The following ZNF599 variants were observed in gnomAD, a reference collection of about 807,000 sequenced individuals.
ZNF599 encodes the protein zinc finger protein 599.
Under a neutral mutation model 11.7 loss-of-function variants are expected in ZNF599, and 10 were observed. The observed-to-expected ratio is 0.86, with a 90% CI of 0.53 to 1.45. ZNF599 has a LOEUF of 1.45. ZNF599 is among the 40% of genes most tolerant of loss of function. The probability of loss-of-function intolerance (pLI) is 0.00; values close to 1 mark genes in which losing one functional copy is unlikely to be tolerated. For missense variants in ZNF599, 688 were observed against 713.6 expected (o/e 0.96, Z 0.41); for synonymous variants, 232 against 253.2 (o/e 0.92, Z 0.79).
chr19:34,781,518 T>C, the ZNF599 span, among the ~76,000 whole-genome samples: 1 of 152,210 alleles, frequency 6.6e-6, no homozygotes, highest in Non-Finnish European at 1.5e-5. Flanking sequence ...GACCCAGGAA[T>C]GAGCCTGCGG....
At chr19:34,800,843 C>T in the ZNF599 span, among the ~76,000 whole-genome samples, 1 of 152,146 alleles carries the variant, frequency 6.6e-6, no homozygotes, top group Admixed American at 6.5e-5. Flanking sequence ...GATCTGCCTG[C>T]CTGAGCCTCC....
the ZNF599 span, chr19:34,779,736 G>A: frequency 1.4e-5 from 4 of 276,594 alleles, no homozygotes; most frequent in South Asian, 3.4e-5. Context: ...GTGTGAACTC[G>A]ATGCATATTG....
chr19:34,803,118 G>A, the ZNF599 span, among the ~76,000 whole-genome samples: 2 of 152,308 alleles, frequency 1.3e-5, no homozygotes, highest in African/African-American at 4.8e-5. Context: ...GCTTATAAAG[G>A]CTGACGGCAA....
intron 1 of ZNF599, chr19:34,772,249 T>C: frequency 1.1e-6 from 1 of 896,476 alleles, no homozygotes; most frequent in Admixed American, 6.2e-5. Context: ...CAGATTCATT[T>C]GTAATAAACA....
chr19:34,787,892 C>G, the ZNF599 span, among the ~76,000 whole-genome samples: 1 of 152,316 alleles, frequency 6.6e-6, no homozygotes, highest in Non-Finnish European at 1.5e-5. Context: ...CAGATACATA[C>G]TCATTACAGT....
At chr19:34,776,746 T>C (rs1358759503), upstream of ZNF599, among the ~76,000 whole-genome samples, 1 of 152,230 alleles carries the variant, frequency 6.6e-6, no homozygotes, top group Non-Finnish European at 1.5e-5. Flanking sequence ...TTTTATTGAA[T>C]AGGCAGTGTT....
chr19:34,795,466 G>A, the ZNF599 span, among the ~76,000 whole-genome samples: 4 of 152,104 alleles, frequency 2.6e-5, no homozygotes, highest in African/African-American at 9.7e-5. Flanking sequence ...TTTTCATAGA[G>A]ACACAGTCTC....
intron 3 of ZNF599, among the ~76,000 whole-genome samples, chr19:34,760,796 C>T (rs716040): frequency 0.28 from 42,378 of 151,910 alleles, 6,527 homozygotes; most frequent in Middle Eastern, 0.36. Context: ...GAATGGAGAC[C>T]GCTCCTCACT....
At chr19:34,777,324 TATATATTATATATTA>T (rs1290039441), upstream of ZNF599, among the ~76,000 whole-genome samples, 8 of 47,286 alleles carry the variant, frequency 1.7e-4, no homozygotes, top group East Asian at 3.8e-4. Context: ...TTATCTATAT[TATATATTATATATTA>T]ATATATTATA....
chr19:34,779,451 A>C, the ZNF599 span: 1 of 455,912 alleles, frequency 2.2e-6, no homozygotes, highest in Non-Finnish European at 4.4e-6. Context: ...ATCAGAGTGA[A>C]CTCTCTGATG....
At chr19:34,788,399 C>T in the ZNF599 span, among the ~76,000 whole-genome samples, 1 of 152,150 alleles carries the variant, frequency 6.6e-6, no homozygotes, top group Non-Finnish European at 1.5e-5. Flanking sequence ...CACTCACTCC[C>T]AAAATATAAT....
In ZNF599 at chr19:34,760,454, G is replaced by A; in HGVS notation, c.347C>T (p.Ser116Phe). Residue 116 changes from serine to phenylalanine, a missense_variant, in exon 4 of 4, where the codon TCC becomes TTC. Physicochemically the swap from Ser to Phe is radical, Grantham distance 155. Transcript: ENST00000329285. ...ELLAQRSSRD[S>F]RLGQARDEEK... ...CTCATCTCTAGCTTGCCCCAACCTGGAATCTCTTGAGGATCTCTGTGCCAG... is the reference window on the plus strand; with the variant it reads ...CTCATCTCTAGCTTGCCCCAACCTGAAATCTCTTGAGGATCTCTGTGCCAG... 2 of 1,614,072 alleles carry A rather than the reference G, an allele frequency of 1.2e-6. No individual in the cohort carries two copies. Among genetic ancestry groups the A allele is most frequent in the Non-Finnish European group, 1.7e-6 (2 of 1,180,018 alleles).
At chr19:34,781,057 GA>G in the ZNF599 span, among the ~76,000 whole-genome samples, 1 of 152,130 alleles carries the variant, frequency 6.6e-6, no homozygotes, top group African/African-American at 2.4e-5. Flanking sequence ...TCAGGAGGCT[GA>G]GGCAGGAGAA....
chr19:34,785,665 C>T, the ZNF599 span, among the ~76,000 whole-genome samples: 4 of 152,206 alleles, frequency 2.6e-5, no homozygotes, highest in African/African-American at 9.6e-5. Context: ...CACTTACCTG[C>T]ACTGGATCCA....
chr19:34,803,380 G>A, the ZNF599 span, among the ~76,000 whole-genome samples: 3 of 152,176 alleles, frequency 2.0e-5, no homozygotes, highest in East Asian at 5.8e-4. Context: ...TCAGTGAAAA[G>A]TTCTCAGCAT....
In ZNF599 at chr19:34,759,253, A is replaced by G; in HGVS notation, c.1548T>C (p.Phe516=). 1.2e-6 allele frequency: 2 copies of G among 1,614,192 alleles called. No homozygotes were observed. Among genetic ancestry groups the G allele is most frequent in the Non-Finnish European group, 1.7e-6 (2 of 1,180,040 alleles). The change falls in exon 4 of 4, where the codon TTT becomes TTC. Residue 516 remains phenylalanine, a synonymous_variant. Coordinates refer to ENST00000329285, the MANE Select transcript of ZNF599 (RefSeq NM_001007248.3). ...PYVCRECGKA[F]TQPANFVRHN... ...GCCGAACAAAATTTGCAGGTTGGGT[A>G]AAAGCCTTTCCACATTCTCTACAAA... is the stretch of plus-strand genomic sequence containing the variant.
upstream of ZNF599, among the ~76,000 whole-genome samples, chr19:34,776,467 G>T (rs549326810): frequency 2.0e-5 from 3 of 152,250 alleles, no homozygotes; most frequent in South Asian, 2.1e-4. Flanking sequence ...TTAAACATGG[G>T]CTTGCGATTC....
At chr19:34,782,350 C>T in the ZNF599 span, among the ~76,000 whole-genome samples, 2 of 152,178 alleles carry the variant, frequency 1.3e-5, no homozygotes, top group African/African-American at 4.8e-5. Flanking sequence ...AACAAGTCGG[C>T]AGTCCCAGCC....
chr19:34,780,494 G>A, the ZNF599 span, among the ~76,000 whole-genome samples: 4,232 of 151,640 alleles, frequency 0.028, 80 homozygotes, highest in Non-Finnish European at 0.045. Flanking sequence ...GTGGCACCCT[G>A]TGCAAGAAAG....
Sources: allele counts gnomAD v4.1 joint callset (sites outside exome capture counted in the v4.1 genomes callset), GRCh38; gene constraint gnomAD v4.1.1; transcripts MANE v1.5; gene names NCBI Gene and HGNC (gene_info 2026-07-23, HGNC 2026-07-21).